WWOX: variants seen among roughly 807,000 people sequenced by gnomAD.
WWOX encodes WW domain-containing oxidoreductase.
WWOX carries 69 observed loss-of-function variants against 46.2 expected under a neutral mutation model. That is an observed-to-expected ratio of 1.49 (90% confidence interval 1.23 to 1.82). The LOEUF (loss-of-function observed/expected upper bound fraction) is 1.82, where lower values mean the gene tolerates loss of function less well. Ranked by LOEUF, WWOX falls within the 40% of genes most tolerant of loss-of-function variation. The pLI is 0.00. For missense variants in WWOX, 919 were observed against 542.6 expected (o/e 1.69, Z -6.89); for synonymous variants, 359 against 202.6 (o/e 1.77, Z -6.56).
chr16:78,553,502 T>C (rs572984459), intron 8 of WWOX, among the ~76,000 whole-genome samples: 31 of 151,976 alleles, frequency 2.0e-4, no homozygotes, highest in Middle Eastern at 6.8e-3. Flanking sequence ...TGGCTGTGAA[T>C]TGGTTGGTTT....
At position 78,348,974 on chromosome 16, in the gene WWOX, A is replaced by G. The variant is rs2081140537; in HGVS notation, c.517-37886A>G. ...AGTCTGAACGAGGGCCACATTGCAG[A>G]TAGAGGCCGGTGTACTGGTCTGCTC... is the stretch of plus-strand genomic sequence containing the variant. On this transcript the variant is annotated intron_variant, in intron 5 of 8. Transcript: ENST00000566780. 1.7e-5 allele frequency among the ~76,000 whole-genome samples: 2 copies of G among 120,598 alleles called. 1 individual carries two copies. The highest frequency in any genetic ancestry group is 5.0e-4 in the South Asian group (2 of 4,012). The allele number at this position is 120,598 out of a possible 152,430, so 79.1% of individuals were successfully genotyped here.
chr16:78,944,206 A>G (rs949875940), intron 8 of WWOX, among the ~76,000 whole-genome samples: 1 of 151,036 alleles, frequency 6.6e-6, no homozygotes, highest in Admixed American at 6.6e-5. Context: ...CCTTCTGGAT[A>G]ATCTCTTCTA....
chr16:79,036,953 T>C (rs1239982979), intron 8 of WWOX, among the ~76,000 whole-genome samples: 1 of 152,198 alleles, frequency 6.6e-6, no homozygotes, highest in Non-Finnish European at 1.5e-5. Flanking sequence ...TTATCTTGGC[T>C]CCATTTAGCC....
chr16:79,129,220 C>T (rs2049824812), intron 8 of WWOX, among the ~76,000 whole-genome samples: 1 of 151,706 alleles, frequency 6.6e-6, no homozygotes, highest in Non-Finnish European at 1.5e-5. Flanking sequence ...GAGAGACCAT[C>T]AGGGCCTAGG....
At chr16:78,274,733 G>A (rs538744820) in intron 5 of WWOX, among the ~76,000 whole-genome samples, 5 of 152,238 alleles carry the variant, frequency 3.3e-5, no homozygotes, top group East Asian at 1.9e-4. Flanking sequence ...TTTCTTGGGC[G>A]AGGGCCCTAG....
chr16:79,190,402 G>T (rs1246534291), intron 8 of WWOX, among the ~76,000 whole-genome samples: 1 of 152,060 alleles, frequency 6.6e-6, no homozygotes, highest in East Asian at 1.9e-4. Context: ...CTAAGGTCTG[G>T]ATATGAATTC....
At chr16:79,197,915 T>C (rs2051272037) in intron 8 of WWOX, among the ~76,000 whole-genome samples, 1 of 152,162 alleles carries the variant, frequency 6.6e-6, no homozygotes, top group Non-Finnish European at 1.5e-5. Flanking sequence ...TCCCAGCCTC[T>C]AGGAAAGCAT....
chr16:78,694,947 A>T lies in WWOX; in HGVS notation c.1056+262195A>T, dbSNP rs184597497. Among the ~76,000 whole-genome samples, 3 of 152,254 alleles carry T rather than the reference A, an allele frequency of 2.0e-5. No individual in the cohort carries two copies. The East Asian group carries it at 5.8e-4, about 29-fold the overall frequency. ...CCCATAAATTAATAACACATCTATG[A>T]ATATTTCCCAGCCAGTCTTAGAAGC... On this transcript the variant is annotated intron_variant, in intron 8 of 8. Coordinates refer to ENST00000566780, the MANE Select transcript of WWOX (RefSeq NM_016373.4).
At chr16:79,054,086 C>A (rs957188350) in intron 8 of WWOX, among the ~76,000 whole-genome samples, 2 of 152,022 alleles carry the variant, frequency 1.3e-5, no homozygotes, top group South Asian at 2.1e-4. Flanking sequence ...ATAAAAGAAG[C>A]TATATTCAGC....
chr16:78,257,822 T>C (rs1328937654), intron 5 of WWOX, among the ~76,000 whole-genome samples: 2 of 152,242 alleles, frequency 1.3e-5, no homozygotes, highest in Non-Finnish European at 2.9e-5. Context: ...ACTTAGATTC[T>C]GGTACTATCT....
chr16:78,143,565 G>C (rs1848408956), intron 4 of WWOX, among the ~76,000 whole-genome samples: 1 of 152,042 alleles, frequency 6.6e-6, no homozygotes, highest in Non-Finnish European at 1.5e-5. Flanking sequence ...GAGACCCTAT[G>C]GCCAGCAAAG....
At chr16:78,453,645 A>AT (rs577673426) in intron 8 of WWOX, among the ~76,000 whole-genome samples, 55 of 149,842 alleles carry the variant, frequency 3.7e-4, no homozygotes, top group South Asian at 3.2e-3. Flanking sequence ...TATCCTGAAG[A>AT]TTTTTTTTTT....
chr16:78,421,383 T>C (rs926604371), intron 6 of WWOX, among the ~76,000 whole-genome samples: 4 of 152,288 alleles, frequency 2.6e-5, no homozygotes, highest in East Asian at 1.9e-4. Context: ...CCTCTGTCTT[T>C]CCATCTCCTT....
intron 8 of WWOX, among the ~76,000 whole-genome samples, chr16:78,917,235 C>T (rs890325128): frequency 6.6e-6 from 1 of 152,214 alleles, no homozygotes; most frequent in Non-Finnish European, 1.5e-5. Context: ...TACTGCAGAC[C>T]TCCCAAAGCT....
intron 8 of WWOX, among the ~76,000 whole-genome samples, chr16:78,635,594 G>A (rs1284525942): frequency 6.6e-6 from 1 of 152,208 alleles, no homozygotes; most frequent in Non-Finnish European, 1.5e-5. Context: ...AAATGAAGAT[G>A]TTGGTTATTT....
intron 8 of WWOX, among the ~76,000 whole-genome samples, chr16:78,494,201 C>T (rs976522801): frequency 6.6e-6 from 1 of 152,132 alleles, no homozygotes; most frequent in Non-Finnish European, 1.5e-5. Context: ...AGAACTCTTT[C>T]ACAAGACAGC....
At chr16:78,893,750 T>A (rs2044641012) in intron 8 of WWOX, among the ~76,000 whole-genome samples, 2 of 152,194 alleles carry the variant, frequency 1.3e-5, no homozygotes, top group South Asian at 2.1e-4. Flanking sequence ...ATGTCTGTCA[T>A]ACATTACGTG....
chr16:78,909,897 C>T (rs761843118), intron 8 of WWOX, among the ~76,000 whole-genome samples: 6 of 152,146 alleles, frequency 3.9e-5, no homozygotes, highest in Non-Finnish European at 8.8e-5. Flanking sequence ...ATCCGTTTAG[C>T]AAAATAAGAT....
intron 5 of WWOX, among the ~76,000 whole-genome samples, chr16:78,229,509 TATAGAG>T (rs1347522677): frequency 3.4e-5 from 4 of 116,668 alleles, no homozygotes; most frequent in African/African-American, 1.3e-4. Context: ...TCTATATCTA[TATAGAG>T]ATATATATAT....
Sources: allele counts gnomAD v4.1 joint callset (sites outside exome capture counted in the v4.1 genomes callset), GRCh38; gene constraint gnomAD v4.1.1; transcripts MANE v1.5; gene names NCBI Gene and HGNC (gene_info 2026-07-23, HGNC 2026-07-21).